Variants in CLTC observed in about 807,000 individuals in gnomAD.
The protein encoded by CLTC is clathrin heavy chain, also known as clathrin heavy chain 1.
A neutral mutation model predicts 195.8 loss-of-function variants in CLTC; 16 were observed. The ratio of observed to expected loss-of-function variants is 0.08; its 90% CI spans 0.06 to 0.12. The LOEUF is 0.12. Among genes scored for constraint, CLTC ranks in the 10% least tolerant of loss-of-function variants. The pLI is 1.00. For synonymous variants in CLTC, 667 were observed against 689.4 expected, an observed-to-expected ratio of 0.97 and a Z score of 0.51; for missense variants, 796 against 2,027.0, an observed-to-expected ratio of 0.39 and a Z score of 11.66.
intron 30 of CLTC, among the ~76,000 whole-genome samples, chr17:59,688,178 C>A (rs1440476844): frequency 1.3e-5 from 2 of 152,174 alleles, no homozygotes; most frequent in East Asian, 3.8e-4. Context: ...GCAATTACAT[C>A]ATACTATTTT....
At position 59,694,637 on chromosome 17, in the gene CLTC, G is replaced by T. The variant is rs2033381810; in HGVS notation, c.*785G>T. Reference sequence around the variant, plus strand: ...CCCTTCCCTGAGGTTTGTGTATGTTGGATATTGTGGTGTTTTAGATCACTG... The same window carrying T: ...CCCTTCCCTGAGGTTTGTGTATGTTTGATATTGTGGTGTTTTAGATCACTG... On this transcript the variant is annotated 3_prime_UTR_variant, in exon 32 of 32. Transcript: ENST00000269122. 1 of 226,046 alleles carries T rather than the reference G, an allele frequency of 4.4e-6. No individual in the cohort carries two copies. The highest frequency in any genetic ancestry group is 2.2e-5 in the African/African-American group (1 of 44,888). 14.0% of individuals were successfully genotyped at this position (226,046 alleles called of 1,614,324 possible).
intron 1 of CLTC, among the ~76,000 whole-genome samples, chr17:59,638,898 C>T (rs1364544304): frequency 6.6e-6 from 1 of 152,150 alleles, no homozygotes; most frequent in Non-Finnish European, 1.5e-5. Flanking sequence ...TTTTACTCCC[C>T]ACCTCCCCCT....
chr17:59,661,822 G>A lies in CLTC; in HGVS notation c.1368+179G>A, dbSNP rs140063936. Among the ~76,000 whole-genome samples the A allele has an allele frequency of 3.9e-3, 588 of 151,844 alleles. 7 individuals are homozygous for A. The highest frequency in any genetic ancestry group is 0.013 in the African/African-American group (556 of 41,400). ...CTTTTGAAAAAATATATATTTTTTC[G>A]CCGGGCATGGTGGCTCAGGCCTGTA... On this transcript the variant is annotated intron_variant, in intron 8 of 31. Transcript: ENST00000269122.
At position 59,677,014 on chromosome 17, in the gene CLTC, T is replaced by C. The variant is rs2032981146; in HGVS notation, c.2622T>C (p.Ala874=). 1 of 1,614,164 alleles carries C rather than the reference T, an allele frequency of 6.2e-7. No homozygotes were observed. ...TTCATGAGGGCTGTGAGGAGCCTGC[T>C]ACTCACAATGCCTTAGCCAAAATCT... ...ARIHEGCEEP[A]THNALAKIYI... The change falls in exon 17 of 32, where the codon GCT becomes GCC. Residue 874 remains alanine, a synonymous_variant. Transcript: ENST00000269122.
chr17:59,621,984 C>T (rs1406382976), intron 1 of CLTC, among the ~76,000 whole-genome samples: 1 of 152,202 alleles, frequency 6.6e-6, no homozygotes, highest in African/African-American at 2.4e-5. Context: ...ATGTGTAGCT[C>T]ACTACTAAAT....
rs559075940 is a variant in CLTC at position 59,681,603 on chromosome 17, G to A, written c.3250-44G>A. 8 of 1,584,842 alleles carry A rather than the reference G, an allele frequency of 5.0e-6. No individual in the cohort carries two copies. The East Asian group carries it at 1.8e-4, about 36-fold the overall frequency. The stretch of plus-strand genomic sequence containing the variant: ...AGCTTAAATGTAATTGCTTTGGGTA[G>A]GATTGATTTTACTCTAACCCTAATT... On this transcript the variant is annotated intron_variant, in intron 20 of 31. Coordinates refer to ENST00000269122, the MANE Select transcript of CLTC (RefSeq NM_004859.4). The surrounding 1 kb of genome is among the most constrained non-coding windows in gnomAD (Gnocchi z 5.0).
At position 59,640,733 on chromosome 17, in the gene CLTC, G is replaced by T. The variant is rs114296093; in HGVS notation, c.43-3543G>T. Among the ~76,000 whole-genome samples the T allele has an allele frequency of 2.2e-3, 332 of 152,064 alleles. 3 individuals carry two copies. Among genetic ancestry groups the T allele is most frequent in the African/African-American group, 7.6e-3 (316 of 41,498 alleles). ...GTCTTTTTTTCCTCACAATTAGGAA[G>T]GCTATATAGGAAGGAGCAGGGTCCT... On this transcript the variant is annotated intron_variant, in intron 1 of 31. Transcript: ENST00000269122.
Position 59,681,075 on chromosome 17 carries a change from T to A in CLTC, c.3065+18T>A, listed in dbSNP as rs2143590710. ...GAACACAGGTATGCTTTCAGAGGGA[T>A]CCATTGGCTATTTATAGTCAGTCTT... On this transcript the variant is annotated intron_variant, in intron 19 of 31. Coordinates refer to ENST00000269122, the MANE Select transcript of CLTC (RefSeq NM_004859.4). This position sits in a 1 kb window ranked among gnomAD's most constrained non-coding sequence, Gnocchi z 5.0. 1 of 1,611,168 alleles carries A rather than the reference T, an allele frequency of 6.2e-7. No homozygotes were observed. Among genetic ancestry groups the A allele is most frequent in the Non-Finnish European group, 8.5e-7 (1 of 1,178,712 alleles).
chr17:59,683,486 C>G lies in CLTC; in HGVS notation c.4141C>G (p.His1381Asp). The G allele has an allele frequency of 6.2e-7, 1 of 1,613,994 alleles. No individual in the cohort carries two copies. Among genetic ancestry groups the G allele is most frequent in the Non-Finnish European group, 8.5e-7 (1 of 1,179,974 alleles). The change falls in exon 26 of 32, where the codon CAT becomes GAT. Residue 1381 changes from histidine to aspartate, a missense_variant. His to Asp is a moderately conservative substitution (Grantham distance 81). This residue lies in a region of CLTC where 102 missense variants were observed against 317.6 expected (regional missense o/e 0.32). Transcript: ENST00000269122. The surrounding 1 kb of genome is among the most constrained non-coding windows in gnomAD (Gnocchi z 6.1). ...YDNAIITMMN[H>D]PTDAWKEGQF... ...TAATGCCATAATTACCATGATGAAT[C>G]ATCCAACTGATGCCTGGAAAGAAGG...
At chr17:59,689,505 C>G (rs1033056914) in intron 30 of CLTC, 1 of 151,834 alleles carries the variant, frequency 6.6e-6, no homozygotes, top group African/African-American at 2.4e-5. Context: ...CCCCCTGCAC[C>G]TTGGCCCCCC....
intron 5 of CLTC, among the ~76,000 whole-genome samples, chr17:59,653,163 A>G (rs2032369695): frequency 6.6e-6 from 1 of 150,964 alleles, no homozygotes; most frequent in Non-Finnish European, 1.5e-5. Context: ...CTTTTATTTT[A>G]TTTATTTGTT....
chr17:59,627,577 T>C (rs7206946), intron 1 of CLTC, among the ~76,000 whole-genome samples: 6,322 of 152,304 alleles, frequency 0.042, 354 homozygotes, highest in African/African-American at 0.13. Flanking sequence ...TTGATTCTAG[T>C]AGTACTGTCG....
rs949479418 is a variant in CLTC, at chr17:59,694,444, A to C, written c.*592A>C. ...TTTAAATGAGCGTAAAAGGCCCTCT[A>C]ACCTATGCAGGTTTCCCCATTATGC... On this transcript the variant is annotated 3_prime_UTR_variant, in exon 32 of 32. Coordinates refer to ENST00000269122, the MANE Select transcript of CLTC (RefSeq NM_004859.4). The C allele has an allele frequency of 1.3e-5, 3 of 224,690 alleles. No homozygotes were observed. Among genetic ancestry groups the C allele is most frequent in the Admixed American group, 5.7e-5 (1 of 17,474 alleles). 13.9% of individuals were successfully genotyped at this position (224,690 alleles called of 1,614,324 possible). A position where few individuals can be genotyped will look rare whatever the true frequency, so the allele number is the denominator to read the frequency against.
At chr17:59,692,040 T>C (rs749312979) in intron 31 of CLTC, among the ~76,000 whole-genome samples, 6 of 152,144 alleles carry the variant, frequency 3.9e-5, no homozygotes, top group Non-Finnish European at 7.4e-5. Context: ...TTCTGTTGGC[T>C]GGGTGCAGTG....
Position 59,620,059 on chromosome 17 carries a change from C to T in CLTC, c.-73C>T. 2 of 1,459,048 alleles carry T rather than the reference C, an allele frequency of 1.4e-6. No homozygotes were observed. The highest frequency in any genetic ancestry group is 1.9e-6 in the Non-Finnish European group (2 of 1,042,728). The allele number at this position is 1,459,048 out of a possible 1,614,324, so 90.4% of individuals were successfully genotyped here. A position where few individuals can be genotyped will look rare whatever the true frequency, so the allele number is the denominator to read the frequency against. On this transcript the variant is annotated 5_prime_UTR_variant, in exon 1 of 32. Coordinates refer to ENST00000269122, the MANE Select transcript of CLTC (RefSeq NM_004859.4). ...CTCCCCCCTCCCCTTCTCCTCCTCTCCCTTGGAGAGCCCGGGCAGCCACTG... is the reference window on the plus strand; with the variant it reads ...CTCCCCCCTCCCCTTCTCCTCCTCTTCCTTGGAGAGCCCGGGCAGCCACTG...
intron 14 of CLTC, among the ~76,000 whole-genome samples, chr17:59,672,944 A>T (rs1262627889): frequency 6.6e-6 from 1 of 152,198 alleles, no homozygotes; most frequent in Non-Finnish European, 1.5e-5. Context: ...GTGGAATGTA[A>T]CAGGACATGT....
At chr17:59,638,865 C>T (rs1458600911) in intron 1 of CLTC, among the ~76,000 whole-genome samples, 1 of 152,138 alleles carries the variant, frequency 6.6e-6, no homozygotes, top group East Asian at 1.9e-4. Flanking sequence ...ACTATTTTCT[C>T]ATTATAAAAA....
At chr17:59,652,493 A>G (rs1023777159) in intron 5 of CLTC, among the ~76,000 whole-genome samples, 4 of 152,230 alleles carry the variant, frequency 2.6e-5, no homozygotes, top group African/African-American at 9.6e-5. Context: ...TTTGGTCCAT[A>G]GGCTTCAGAG....
intron 5 of CLTC, among the ~76,000 whole-genome samples, chr17:59,654,359 G>A (rs1391005392): frequency 6.7e-6 from 1 of 149,568 alleles, no homozygotes; most frequent in African/African-American, 2.5e-5. Flanking sequence ...TGTATTTTTA[G>A]TAGAGACAGG....
Sources: gnomAD v4.1 joint callset for allele counts (sites outside exome capture counted in the v4.1 genomes callset) on GRCh38, gnomAD v4.1.1 for gene constraint, gnomAD v4.1.1 regional missense constraint, Gnocchi (gnomAD v3.1) non-coding constraint, MANE v1.5 for transcripts, NCBI Gene and HGNC (gene_info 2026-07-23, HGNC 2026-07-21) for gene names.